The following CBR4 variants were observed in gnomAD, a reference collection of about 807,000 sequenced individuals.
CBR4 encodes carbonyl reductase 4.
CBR4 carries 22 observed loss-of-function variants against 21.0 expected under a neutral mutation model. That is an observed-to-expected ratio of 1.05 (90% confidence interval 0.75 to 1.50). The LOEUF is 1.50. Ranked by LOEUF, CBR4 falls within the 40% of genes most tolerant of loss-of-function variation. CBR4 has a pLI of 0.00. For synonymous variants in CBR4, 100 were observed against 104.4 expected, an observed-to-expected ratio of 0.96 and a Z score of 0.26; for missense variants, 302 against 286.3, an observed-to-expected ratio of 1.05 and a Z score of -0.40.
rs137953913 is a variant in CBR4, at chr4:169,002,440, GC to G, written c.401-236del. 5.1e-3 allele frequency among the ~76,000 whole-genome samples: 783 copies of G among 152,278 alleles called. 4 individuals carry two copies. Among genetic ancestry groups the G allele is most frequent in the African/African-American group, 0.017 (726 of 41,566 alleles). On this transcript the variant is annotated intron_variant, in intron 3 of 4. Transcript: ENST00000306193. ...ATCTGAAAGCAGCTGATACAAAACT[GC>G]CAATGCAGGTGCTTGCGAATTGATT...
intron 2 of CBR4, among the ~76,000 whole-genome samples, chr4:168,955,413 CTGTT>C: frequency 6.6e-6 from 1 of 152,258 alleles, no homozygotes; most frequent in South Asian, 2.1e-4. Context: ...TAAACAAACA[CTGTT>C]AGGTTGGTGC....
intron 2 of CBR4, among the ~76,000 whole-genome samples, chr4:168,921,195 C>A (rs1037795722): frequency 2.0e-5 from 3 of 152,004 alleles, no homozygotes; most frequent in Non-Finnish European, 2.9e-5. Flanking sequence ...CACCTGAGGT[C>A]AGGAGTTCAA....
chr4:168,928,527 T>TATTA (rs1270162737), intron 2 of CBR4: 2 of 164,332 alleles, frequency 1.2e-5, no homozygotes, highest in African/African-American at 4.8e-5. Context: ...ATCACTCATT[T>TATTA]ATTACTCACA....
intron 2 of CBR4, among the ~76,000 whole-genome samples, chr4:168,975,548 G>C (rs777457015): frequency 2.6e-5 from 4 of 152,320 alleles, no homozygotes; most frequent in African/African-American, 4.8e-5. Flanking sequence ...ATGCTTTCAA[G>C]AGCTTGCCAG....
At position 168,988,318 on chromosome 4, in the gene CBR4, G is replaced by A; in HGVS notation, c.*1832C>T. Reference sequence around the variant, plus strand: ...AAAAGGTTATATTTCTTATTTTAAAGTATAAAAACATACACTTAAAGGCTA... The same window carrying A: ...AAAAGGTTATATTTCTTATTTTAAAATATAAAAACATACACTTAAAGGCTA... On this transcript the variant is annotated 3_prime_UTR_variant, in exon 5 of 5. Transcript: ENST00000306193. The A allele has an allele frequency of 1.0e-6, 1 of 984,858 alleles. No homozygotes were observed. The highest frequency in any genetic ancestry group is 1.2e-6 in the Non-Finnish European group (1 of 829,448). The allele number at this position is 984,858 out of a possible 1,614,324, so 61.0% of individuals were successfully genotyped here.
chr4:168,897,725 T>C (rs1215323054), intron 2 of CBR4, among the ~76,000 whole-genome samples: 2 of 152,078 alleles, frequency 1.3e-5, no homozygotes, highest in African/African-American at 2.4e-5. Context: ...GTGTTGGGAA[T>C]TACAGGCATG....
At chr4:168,939,201 T>C (rs1763193716) in intron 2 of CBR4, among the ~76,000 whole-genome samples, 1 of 152,118 alleles carries the variant, frequency 6.6e-6, no homozygotes, top group South Asian at 2.1e-4. Flanking sequence ...AAAAACCACA[T>C]GATTATCTCA....
chr4:168,953,266 G>C (rs1763594680), intron 2 of CBR4, among the ~76,000 whole-genome samples: 1 of 152,038 alleles, frequency 6.6e-6, no homozygotes, highest in Non-Finnish European at 1.5e-5. Context: ...CTCCCACCGT[G>C]CCCCCCCGCA....
intron 2 of CBR4, among the ~76,000 whole-genome samples, chr4:168,952,244 T>A (rs1259055196): frequency 2.0e-5 from 3 of 152,186 alleles, no homozygotes; most frequent in Non-Finnish European, 4.4e-5. Flanking sequence ...TTTCTATAAG[T>A]GTGACCAATA....
intron 4 of CBR4, 40 bp from the exon 5 acceptor site, chr4:168,990,368 C>A: frequency 2.2e-6 from 3 of 1,391,546 alleles, no homozygotes; most frequent in South Asian, 3.5e-5. Flanking sequence ...AGGGTACACA[C>A]TAAGACATCT....
chr4:168,951,737 A>T (rs1718269276), intron 2 of CBR4, among the ~76,000 whole-genome samples: 1 of 152,208 alleles, frequency 6.6e-6, no homozygotes, highest in African/African-American at 2.4e-5. Context: ...GGCTGAAGAC[A>T]GGGCCCCAAT....
At chr4:168,922,912 T>G (rs1761863288) in intron 2 of CBR4, among the ~76,000 whole-genome samples, 1 of 152,182 alleles carries the variant, frequency 6.6e-6, no homozygotes. Context: ...TCAGATCTGC[T>G]CCAGTCCCGG....
At chr4:168,928,867 C>T (rs1392858403) in intron 2 of CBR4, among the ~76,000 whole-genome samples, 3 of 152,068 alleles carry the variant, frequency 2.0e-5, no homozygotes, top group African/African-American at 7.3e-5. Flanking sequence ...TTTTAAATTA[C>T]GTCAGGCCCA....
intron 2 of CBR4, among the ~76,000 whole-genome samples, chr4:168,964,242 G>GT (rs1763951751): frequency 6.6e-6 from 1 of 152,204 alleles, no homozygotes; most frequent in South Asian, 2.1e-4. Context: ...AATTTAGGCT[G>GT]TTGTAGAAAA....
intron 2 of CBR4, among the ~76,000 whole-genome samples, chr4:168,928,847 G>T (rs577796296): frequency 6.6e-6 from 1 of 152,204 alleles, no homozygotes; most frequent in African/African-American, 2.4e-5. Flanking sequence ...TTTGTCAAAG[G>T]CCCAGTCCCT....
At chr4:168,906,989 A>T (rs1453136129) in intron 2 of CBR4, among the ~76,000 whole-genome samples, 2 of 152,214 alleles carry the variant, frequency 1.3e-5, no homozygotes, top group Non-Finnish European at 2.9e-5. Context: ...CATGCAGTAC[A>T]GGGGTTATGA....
chr4:169,008,145 T>C (rs1422346345), intron 1 of CBR4, among the ~76,000 whole-genome samples: 2 of 152,158 alleles, frequency 1.3e-5, no homozygotes, highest in African/African-American at 4.8e-5. Context: ...TTCTGTCAGG[T>C]TTTTGTTGAA....
intron 2 of CBR4, among the ~76,000 whole-genome samples, chr4:168,977,240 G>A (rs1764400409): frequency 6.6e-6 from 1 of 151,900 alleles, no homozygotes; most frequent in South Asian, 2.1e-4. Flanking sequence ...AATTCTTATT[G>A]AAGTTACCAA....
chr4:168,990,220 AAC>A lies in CBR4; in HGVS notation c.642_643del (p.Phe215SerfsTer34), dbSNP rs1764844848. On this transcript the variant is annotated frameshift_variant, in exon 5 of 5. Transcript: ENST00000306193. LOFTEE classifies it high-confidence loss of function. ...TGTAATATACGGTGATTCTAAAAGA[AAC>A]ACAACCGCATGTGCCACCTCAATAG... is the stretch of plus-strand genomic sequence containing the variant. 10 of 1,613,590 alleles carry A rather than the reference AAC, an allele frequency of 6.2e-6. No individual in the cohort carries two copies. Among genetic ancestry groups the A allele is most frequent in the Non-Finnish European group, 7.6e-6 (9 of 1,179,794 alleles).
Sources: allele counts gnomAD v4.1 joint callset (sites outside exome capture counted in the v4.1 genomes callset), GRCh38; gene constraint gnomAD v4.1.1; transcripts MANE v1.5; gene names NCBI Gene and HGNC (gene_info 2026-07-23, HGNC 2026-07-21).